PARM1: variants seen among roughly 807,000 people sequenced by gnomAD.
The protein encoded by PARM1 is WSC4, cell wall integrity and stress response component 4 homolog.
A neutral mutation model predicts 24.6 loss-of-function variants in PARM1; 14 were observed. The observed-to-expected ratio is 0.57, with a 90% CI of 0.38 to 0.89. PARM1 has a LOEUF of 0.89. Ranked by LOEUF, PARM1 falls within the 40% of genes least tolerant of loss-of-function variation. PARM1 has a pLI of 0.00. For synonymous variants in PARM1, 179 were observed against 156.6 expected, an observed-to-expected ratio of 1.14 and a Z score of -1.07; for missense variants, 362 against 380.4, an observed-to-expected ratio of 0.95 and a Z score of 0.40.
At chr4:74,978,091 G>A (rs1722172228) in intron 1 of PARM1, among the ~76,000 whole-genome samples, 1 of 152,184 alleles carries the variant, frequency 6.6e-6, no homozygotes, top group South Asian at 2.1e-4. Flanking sequence ...GAATCATGAT[G>A]ACAGGATCAA....
chr4:74,979,478 C>T (rs1414440539), intron 1 of PARM1, among the ~76,000 whole-genome samples: 1 of 151,990 alleles, frequency 6.6e-6, no homozygotes, highest in African/African-American at 2.4e-5. Context: ...AATAGCCTAC[C>T]AACCAAAAAA....
intron 1 of PARM1, among the ~76,000 whole-genome samples, chr4:74,971,547 ACT>A (rs1384912503): frequency 7.2e-5 from 11 of 152,146 alleles, no homozygotes; most frequent in African/African-American, 2.4e-4. Flanking sequence ...ATTTTGTGTC[ACT>A]CTTAAGACTA....
At chr4:75,026,132 T>C (rs1723178290) in intron 2 of PARM1, among the ~76,000 whole-genome samples, 1 of 152,264 alleles carries the variant, frequency 6.6e-6, no homozygotes, top group African/African-American at 2.4e-5. Flanking sequence ...TTATGCAAGC[T>C]GTTTTCCTTA....
intron 1 of PARM1, among the ~76,000 whole-genome samples, chr4:74,993,477 C>G: frequency 6.6e-6 from 1 of 152,100 alleles, no homozygotes; most frequent in Non-Finnish European, 1.5e-5. Flanking sequence ...CCCACAAAAT[C>G]TGTGAAATAA....
intron 1 of PARM1, among the ~76,000 whole-genome samples, chr4:74,945,902 A>G (rs961500527): frequency 3.9e-5 from 6 of 152,246 alleles, no homozygotes; most frequent in Admixed American, 2.6e-4. Flanking sequence ...ACTCTATGAC[A>G]TTATCAGAAA....
At chr4:74,997,306 T>G (rs1454612517) in intron 1 of PARM1, among the ~76,000 whole-genome samples, 1 of 152,228 alleles carries the variant, frequency 6.6e-6, no homozygotes, top group East Asian at 1.9e-4. Context: ...ATGAAGAATG[T>G]GCACATTTGG....
intron 2 of PARM1, among the ~76,000 whole-genome samples, chr4:75,024,360 G>T (rs1034305019): frequency 6.6e-6 from 1 of 152,176 alleles, no homozygotes; most frequent in East Asian, 1.9e-4. Flanking sequence ...GAGTCCTTGG[G>T]ACTGTAGTAA....
At chr4:75,045,233 C>A (rs1332104199) in intron 3 of PARM1, among the ~76,000 whole-genome samples, 3 of 152,074 alleles carry the variant, frequency 2.0e-5, no homozygotes, top group Non-Finnish European at 4.4e-5. Context: ...GAGAAGGAGA[C>A]CAGTATGGTT....
At position 74,949,009 on chromosome 4, in the gene PARM1, G is replaced by A. The variant is rs911146059; in HGVS notation, c.43+15639G>A. Among the ~76,000 whole-genome samples, 10 of 151,884 alleles carry A rather than the reference G, an allele frequency of 6.6e-5. No homozygotes were observed. In the East Asian group the frequency reaches 7.8e-4, roughly 12 times the overall value. ...TGCACTCCAGCCTCGGCGACAGAGC[G>A]AGACTCTGTCTCAAAAAAAAACAAA... On this transcript the variant is annotated intron_variant, in intron 1 of 3. Coordinates refer to ENST00000307428, the MANE Select transcript of PARM1 (RefSeq NM_015393.4).
At chr4:75,009,686 T>G (rs891450081) in intron 1 of PARM1, among the ~76,000 whole-genome samples, 2 of 152,144 alleles carry the variant, frequency 1.3e-5, no homozygotes, top group African/African-American at 4.8e-5. Context: ...GGAAAGATGT[T>G]GGAGTATTCA....
intron 1 of PARM1, among the ~76,000 whole-genome samples, chr4:74,934,354 G>T (rs1435829839): frequency 6.6e-6 from 1 of 152,220 alleles, no homozygotes; most frequent in Non-Finnish European, 1.5e-5. Flanking sequence ...AAGTCACATA[G>T]CGCAAACCGA....
intron 1 of PARM1, chr4:74,967,908 C>T (rs1030415206): frequency 1.3e-5 from 2 of 152,156 alleles, no homozygotes; most frequent in Non-Finnish European, 2.9e-5. Flanking sequence ...AGTATCCCAC[C>T]AGCACAGTGG....
chr4:74,960,769 G>A (rs971818201), intron 1 of PARM1, among the ~76,000 whole-genome samples: 5 of 152,116 alleles, frequency 3.3e-5, no homozygotes, highest in African/African-American at 1.2e-4. Context: ...AGCACTTTGG[G>A]AGGCCGAGGC....
intron 1 of PARM1, among the ~76,000 whole-genome samples, chr4:74,954,428 C>G (rs1286716064): frequency 2.0e-5 from 3 of 152,280 alleles, no homozygotes; most frequent in Admixed American, 6.5e-5. Context: ...TGAAAGTGTG[C>G]CTATGTTCTT....
chr4:75,012,302 C>G (rs555350313), intron 1 of PARM1, 123 bp from the exon 2 acceptor site: 1 of 1,062,256 alleles, frequency 9.4e-7, no homozygotes, highest in Admixed American at 2.5e-5. Flanking sequence ...GGGGAGGGCA[C>G]AATGCAAAAT....
chr4:75,032,446 G>A (rs537111678), intron 2 of PARM1, among the ~76,000 whole-genome samples: 14 of 152,204 alleles, frequency 9.2e-5, no homozygotes, highest in South Asian at 2.1e-4. Context: ...AACAGGAGCC[G>A]TTCATACCAG....
At chr4:75,028,286 T>C (rs939872479) in intron 2 of PARM1, among the ~76,000 whole-genome samples, 4 of 152,166 alleles carry the variant, frequency 2.6e-5, no homozygotes, top group Admixed American at 2.0e-4. Context: ...AAATAGAGAT[T>C]CGGCACACAC....
intron 2 of PARM1, among the ~76,000 whole-genome samples, chr4:75,021,551 G>T (rs1250421974): frequency 1.3e-5 from 2 of 151,206 alleles, no homozygotes; most frequent in Non-Finnish European, 2.9e-5. Context: ...AGATTATTTT[G>T]TTACTGAGGT....
chr4:75,044,995 C>T (rs1185962488), intron 3 of PARM1, among the ~76,000 whole-genome samples: 1 of 152,194 alleles, frequency 6.6e-6, no homozygotes, highest in East Asian at 1.9e-4. Flanking sequence ...CCTCCCACAA[C>T]ATGTGGGAAC....
Sources: gnomAD v4.1 joint callset for allele counts (sites outside exome capture counted in the v4.1 genomes callset) on GRCh38, gnomAD v4.1.1 for gene constraint, MANE v1.5 for transcripts, NCBI Gene and HGNC (gene_info 2026-07-23, HGNC 2026-07-21) for gene names.